Variants in GALNTL6 observed in about 807,000 individuals in gnomAD.
The protein encoded by GALNTL6 is polypeptide N-acetylgalactosaminyltransferase-like 6.
GALNTL6 carries 46 observed loss-of-function variants against 73.7 expected under a neutral mutation model. The observed-to-expected ratio is 0.62, with a 90% CI of 0.49 to 0.80. The LOEUF is 0.80. Ranked by LOEUF, GALNTL6 falls within the 30% of genes least tolerant of loss-of-function variation. GALNTL6 has a pLI of 0.00. For missense variants in GALNTL6, 604 were observed against 755.0 expected (o/e 0.80, Z 2.34); for synonymous variants, 259 against 263.7 (o/e 0.98, Z 0.17).
In GALNTL6 at chr4:172,089,232, A is replaced by T. The variant is rs143398783; in HGVS notation, c.139-140424A>T. ...TTTATTAAGAGGCATTTCTATGGAA[A>T]CAGAAAAAAAAAGACTAATGTCTGG... On this transcript the variant is annotated intron_variant, in intron 2 of 12. Coordinates refer to ENST00000506823, the MANE Select transcript of GALNTL6 (RefSeq NM_001034845.3). Among the ~76,000 whole-genome samples, 6 of 152,264 alleles carry T rather than the reference A, an allele frequency of 3.9e-5. No individual in the cohort carries two copies. The South Asian group carries it at 1.0e-3, about 26-fold the overall frequency.
chr4:172,115,627 T>C (rs1462232495), intron 2 of GALNTL6, among the ~76,000 whole-genome samples: 1 of 152,124 alleles, frequency 6.6e-6, no homozygotes, highest in Admixed American at 6.6e-5. Context: ...AAATAGACTT[T>C]CAATTGTTAG....
chr4:172,157,284 C>A (rs915529025), intron 2 of GALNTL6, among the ~76,000 whole-genome samples: 6 of 152,186 alleles, frequency 3.9e-5, no homozygotes, highest in Non-Finnish European at 7.3e-5. Flanking sequence ...AGGAGCAATG[C>A]AGCCTACAAA....
chr4:172,453,864 GC>G (rs1365756725), intron 5 of GALNTL6, among the ~76,000 whole-genome samples: 1 of 152,158 alleles, frequency 6.6e-6, no homozygotes, highest in Admixed American at 6.5e-5. Context: ...CTAAATGACA[GC>G]AAGAAACATG....
chr4:172,170,814 G>A (rs1354819355), intron 2 of GALNTL6, among the ~76,000 whole-genome samples: 2 of 152,026 alleles, frequency 1.3e-5, no homozygotes, highest in Non-Finnish European at 2.9e-5. Flanking sequence ...ACGCCCTGCT[G>A]GGAAATTGTT....
intron 5 of GALNTL6, among the ~76,000 whole-genome samples, chr4:172,698,918 C>T (rs539514343): frequency 3.4e-4 from 52 of 152,262 alleles, no homozygotes; most frequent in African/African-American, 1.0e-3. Flanking sequence ...TTTGCAAGTT[C>T]TGTGTCTTGG....
At chr4:171,896,557 G>A (rs1736922983) in intron 2 of GALNTL6, among the ~76,000 whole-genome samples, 1 of 152,190 alleles carries the variant, frequency 6.6e-6, no homozygotes, top group Non-Finnish European at 1.5e-5. Context: ...CAGATTTGTT[G>A]TCTGGTAAAA....
intron 2 of GALNTL6, among the ~76,000 whole-genome samples, chr4:171,929,442 A>G (rs1161043346): frequency 1.3e-5 from 2 of 152,196 alleles, no homozygotes; most frequent in African/African-American, 4.8e-5. Context: ...TGTGAGCACA[A>G]GGGCCAACTA....
intron 2 of GALNTL6, among the ~76,000 whole-genome samples, chr4:172,014,932 C>G (rs1024010419): frequency 2.6e-5 from 4 of 151,974 alleles, no homozygotes; most frequent in Non-Finnish European, 4.4e-5. Flanking sequence ...ATAATTTTGA[C>G]TTTTGCAGAA....
At chr4:172,308,773 G>A (rs192748561) in intron 3 of GALNTL6, among the ~76,000 whole-genome samples, 23 of 152,228 alleles carry the variant, frequency 1.5e-4, no homozygotes, top group African/African-American at 4.3e-4. Context: ...GATTTATGTC[G>A]TTTAAACATT....
At chr4:172,862,964 C>T (rs1744474202) in intron 7 of GALNTL6, among the ~76,000 whole-genome samples, 1 of 152,232 alleles carries the variant, frequency 6.6e-6, no homozygotes, top group African/African-American at 2.4e-5. Context: ...CCCAGTTGCT[C>T]TAGCTGTGGC....
chr4:172,328,622 ATTATT>A (rs1412080731), intron 4 of GALNTL6, among the ~76,000 whole-genome samples: 1 of 151,684 alleles, frequency 6.6e-6, no homozygotes, highest in African/African-American at 2.4e-5. Flanking sequence ...GTCTGACTGT[ATTATT>A]TCAGGGATCC....
intron 5 of GALNTL6, among the ~76,000 whole-genome samples, chr4:172,444,682 T>G (rs1731955005): frequency 6.6e-6 from 1 of 152,104 alleles, no homozygotes; most frequent in South Asian, 2.1e-4. Flanking sequence ...TGAAAAAGCA[T>G]GAGAAAGAAG....
At chr4:173,036,697 G>A (rs1753710475) in intron 12 of GALNTL6, among the ~76,000 whole-genome samples, 1 of 152,230 alleles carries the variant, frequency 6.6e-6, no homozygotes, top group African/African-American at 2.4e-5. Flanking sequence ...ACTGTGAATA[G>A]CCAGAGCACA....
chr4:172,623,231 A>T (rs1337183908), intron 5 of GALNTL6, among the ~76,000 whole-genome samples: 1 of 152,190 alleles, frequency 6.6e-6, no homozygotes, highest in Non-Finnish European at 1.5e-5. Flanking sequence ...CGAAGAATCA[A>T]CTAAAAAAGT....
chr4:172,357,471 A>C (rs1182523286), intron 5 of GALNTL6, among the ~76,000 whole-genome samples: 1 of 152,136 alleles, frequency 6.6e-6, no homozygotes, highest in African/African-American at 2.4e-5. Context: ...AGGCTGGATT[A>C]AGGGTAGAGG....
intron 8 of GALNTL6, among the ~76,000 whole-genome samples, chr4:172,905,907 G>A (rs897235822): frequency 1.4e-5 from 2 of 147,952 alleles, no homozygotes; most frequent in Non-Finnish European, 3.0e-5. Context: ...CCCCAACCAC[G>A]ACCTATAAGG....
intron 5 of GALNTL6, among the ~76,000 whole-genome samples, chr4:172,619,540 T>C (rs1161315513): frequency 1.3e-5 from 2 of 152,230 alleles, no homozygotes; most frequent in Admixed American, 6.5e-5. Flanking sequence ...TATGCCTTCA[T>C]AGCTTCAGCA....
intron 2 of GALNTL6, among the ~76,000 whole-genome samples, chr4:172,055,637 A>G (rs1005380617): frequency 7.2e-5 from 11 of 152,116 alleles, no homozygotes; most frequent in Non-Finnish European, 1.5e-4. Flanking sequence ...GACATTGCAA[A>G]TGGGAAAACC....
intron 2 of GALNTL6, among the ~76,000 whole-genome samples, chr4:172,169,591 T>A (rs1734747460): frequency 6.6e-6 from 1 of 152,154 alleles, no homozygotes; most frequent in Non-Finnish European, 1.5e-5. Context: ...TTGATAATAT[T>A]TCAGGATAGA....
Sources: allele counts gnomAD v4.1 joint callset (sites outside exome capture counted in the v4.1 genomes callset), GRCh38; gene constraint gnomAD v4.1.1; transcripts MANE v1.5; gene names NCBI Gene and HGNC (gene_info 2026-07-23, HGNC 2026-07-21).